The following PRKD3 variants were observed in gnomAD, a reference collection of about 807,000 sequenced individuals.
PRKD3 encodes serine/threonine-protein kinase D3.
A neutral mutation model predicts 99.2 loss-of-function variants in PRKD3; 47 were observed. The ratio of observed to expected loss-of-function variants is 0.47; its 90% CI spans 0.38 to 0.60. The LOEUF (loss-of-function observed/expected upper bound fraction) is 0.60, where lower values mean the gene tolerates loss of function less well. Ranked by LOEUF, PRKD3 falls within the 20% of genes least tolerant of loss-of-function variation. The probability of loss-of-function intolerance (pLI) is 0.00; values close to 1 mark genes in which losing one functional copy is unlikely to be tolerated. For synonymous variants in PRKD3, 392 were observed against 355.4 expected (o/e 1.10, Z -1.16); for missense variants, 1,019 against 1,088.4 (o/e 0.94, Z 0.90).
intron 2 of PRKD3, among the ~76,000 whole-genome samples, chr2:37,296,863 G>A (rs1379445965): frequency 3.0e-5 from 4 of 133,616 alleles, no homozygotes; most frequent in East Asian, 2.2e-4. Flanking sequence ...TGGCACCACC[G>A]CACTCCAGCC....
intron 2 of PRKD3, among the ~76,000 whole-genome samples, chr2:37,306,355 A>C (rs909485171): frequency 6.6e-6 from 1 of 152,112 alleles, no homozygotes. Flanking sequence ...AATCAGTAAA[A>C]ACACATTCCC....
intron 17 of PRKD3, among the ~76,000 whole-genome samples, 194 bp from the exon 18 acceptor site, chr2:37,254,483 T>G (rs925328756): frequency 6.6e-6 from 1 of 152,204 alleles, no homozygotes; most frequent in East Asian, 1.9e-4. Flanking sequence ...TGTCAAATTT[T>G]CATTGCCTTT....
Position 37,316,413 on chromosome 2 carries a change from CAG to C in PRKD3, c.110_111del (p.Ser37CysfsTer5). ...CTGAAGCTTCCATTAGAGAGTCGGG[CAG>C]AGAGTCCCGTCTTAGGACTTGAACA... ...SPCSSPKTGL[S>X]ARLSNGSFSA... On this transcript the variant is annotated frameshift_variant, in exon 2 of 19. Coordinates refer to ENST00000234179, the MANE Select transcript of PRKD3 (RefSeq NM_005813.6). LOFTEE classifies it high-confidence loss of function. 2 of 1,614,184 alleles carry C rather than the reference CAG, an allele frequency of 1.2e-6. No individual in the cohort carries two copies. The highest frequency in any genetic ancestry group is 1.7e-6 in the Non-Finnish European group (2 of 1,180,030).
At chr2:37,314,013 AAG>A (rs1671556531) in intron 2 of PRKD3, among the ~76,000 whole-genome samples, 1 of 152,158 alleles carries the variant, frequency 6.6e-6, no homozygotes, top group Admixed American at 6.5e-5. Context: ...TGCAAATAAT[AAG>A]AGAGCGCCAA....
intron 1 of PRKD3, among the ~76,000 whole-genome samples, chr2:37,323,120 C>A (rs1671955226): frequency 6.6e-6 from 1 of 151,354 alleles, no homozygotes; most frequent in Admixed American, 6.6e-5. Flanking sequence ...GTGTGTGTGG[C>A]AGTGTTTAAA....
chr2:37,253,631 C>T (rs1266853262), intron 18 of PRKD3, among the ~76,000 whole-genome samples: 1 of 152,146 alleles, frequency 6.6e-6, no homozygotes, highest in Non-Finnish European at 1.5e-5. Context: ...ATAATAATCA[C>T]TAAAACATTT....
At chr2:37,324,276 G>C (rs776162404) in intron 1 of PRKD3, 3 of 970,250 alleles carry the variant, frequency 3.1e-6, no homozygotes, top group Non-Finnish European at 3.7e-6. Flanking sequence ...CGAGCGCCGC[G>C]GGTCTGGCTT....
chr2:37,253,381 C>A, intron 18 of PRKD3, 31 bp from the exon 19 acceptor site: 1 of 1,549,776 alleles, frequency 6.5e-7, no homozygotes, highest in South Asian at 1.2e-5. Context: ...AATGATGAAA[C>A]AAAAGAAACA....
At chr2:37,323,051 T>C (rs7583760) in intron 1 of PRKD3, among the ~76,000 whole-genome samples, 2,484 of 151,426 alleles carry the variant, frequency 0.016, 65 homozygotes, top group African/African-American at 0.058. Context: ...CTGTATGTGG[T>C]GTTTTCAATT....
chr2:37,287,560 T>G (rs1487412504), intron 5 of PRKD3, among the ~76,000 whole-genome samples: 1 of 152,132 alleles, frequency 6.6e-6, no homozygotes, highest in East Asian at 1.9e-4. Flanking sequence ...GTTCTGGCAG[T>G]GAGGATGCAA....
chr2:37,278,030 A>T (rs761010417), intron 8 of PRKD3, 41 bp from the exon 9 acceptor site: 12 of 1,539,380 alleles, frequency 7.8e-6, no homozygotes, highest in South Asian at 4.7e-5. Context: ...GTAGATTTTT[A>T]AAAAATCATA....
chr2:37,314,196 T>C (rs574519062), intron 2 of PRKD3, among the ~76,000 whole-genome samples: 3 of 152,286 alleles, frequency 2.0e-5, no homozygotes, highest in East Asian at 1.9e-4. Context: ...CTGACATTTA[T>C]AGAAAACTGC....
chr2:37,287,773 C>T (rs1236759814), intron 5 of PRKD3, among the ~76,000 whole-genome samples: 1 of 152,090 alleles, frequency 6.6e-6, no homozygotes. Flanking sequence ...TTGATTATTC[C>T]CTTCATATAG....
chr2:37,284,686 T>C (rs1670005619), intron 6 of PRKD3, among the ~76,000 whole-genome samples: 2 of 152,360 alleles, frequency 1.3e-5, no homozygotes, highest in African/African-American at 2.4e-5. Flanking sequence ...CATGTTATAA[T>C]GCCTAATAGT....
intron 2 of PRKD3, among the ~76,000 whole-genome samples, chr2:37,303,323 A>G (rs1334442529): frequency 1.3e-5 from 2 of 152,134 alleles, no homozygotes; most frequent in Non-Finnish European, 2.9e-5. Flanking sequence ...TGGAGACCCA[A>G]CAAGTGCCAG....
intron 2 of PRKD3, among the ~76,000 whole-genome samples, chr2:37,295,833 A>G (rs1049490526): frequency 1.3e-5 from 2 of 152,248 alleles, no homozygotes; most frequent in Non-Finnish European, 2.9e-5. Flanking sequence ...TCTGTATTTT[A>G]AAAAGATAAT....
chr2:37,317,263 G>T, intron 1 of PRKD3, 84 bp from the exon 2 acceptor site: 1 of 649,596 alleles, frequency 1.5e-6, no homozygotes, highest in African/African-American at 2.0e-5. Context: ...TTTTTTAAAT[G>T]ACAATTTTTG....
In PRKD3 at chr2:37,269,601, C is replaced by A. The variant is rs1183882746; in HGVS notation, c.1777+14G>T. 28 of 1,596,992 alleles carry A rather than the reference C, an allele frequency of 1.8e-5. No homozygotes were observed. Among genetic ancestry groups the A allele is most frequent in the Non-Finnish European group, 2.4e-5 (28 of 1,164,514 alleles). Reference sequence around the variant, plus strand: ...AATAATGTGTACAATATGCAAACGGCTGTAGTTGCTTACCTCCATAAACGA... The same window carrying A: ...AATAATGTGTACAATATGCAAACGGATGTAGTTGCTTACCTCCATAAACGA... On this transcript the variant is annotated intron_variant, in intron 13 of 18. Coordinates refer to ENST00000234179, the MANE Select transcript of PRKD3 (RefSeq NM_005813.6).
intron 15 of PRKD3, 63 bp downstream of exon 15, chr2:37,260,155 CTCTTG>C: frequency 7.1e-7 from 1 of 1,404,518 alleles, no homozygotes; most frequent in Non-Finnish European, 9.8e-7. Context: ...CAGAGTAAGA[CTCTTG>C]TCTTAAAAAA....
Sources: allele counts gnomAD v4.1 joint callset (sites outside exome capture counted in the v4.1 genomes callset), GRCh38; gene constraint gnomAD v4.1.1; transcripts MANE v1.5; gene names NCBI Gene and HGNC (gene_info 2026-07-23, HGNC 2026-07-21).